Variants in SUPT3H observed in about 807,000 individuals in gnomAD.
The protein encoded by SUPT3H is SPT3 homolog, SAGA and STAGA complex component, also known as transcription initiation protein SPT3 homolog.
Under a neutral mutation model 44.3 loss-of-function variants are expected in SUPT3H, and 44 were observed. The observed-to-expected ratio is 0.99, with a 90% CI of 0.78 to 1.28. SUPT3H has a LOEUF of 1.28. Among genes scored for constraint, SUPT3H ranks in the 50% most tolerant of loss-of-function variants. SUPT3H has a pLI of 0.00. For synonymous variants in SUPT3H, 124 were observed against 125.6 expected (o/e 0.99, Z 0.09); for missense variants, 380 against 387.1 (o/e 0.98, Z 0.15).
At chr6:44,993,429 T>C (rs961739355) in intron 6 of SUPT3H, among the ~76,000 whole-genome samples, 1 of 97,340 alleles carries the variant, frequency 1.0e-5, no homozygotes, top group African/African-American at 2.9e-5. Context: ...TTTATTTCAT[T>C]AACTGAAAAA....
At chr6:45,275,090 T>C (rs1161344047) in intron 2 of SUPT3H, among the ~76,000 whole-genome samples, 1 of 152,212 alleles carries the variant, frequency 6.6e-6, no homozygotes, top group East Asian at 1.9e-4. Context: ...TTGAGAATTT[T>C]TGTACCTATA....
At chr6:45,217,426 C>G (rs6938316) in intron 2 of SUPT3H, among the ~76,000 whole-genome samples, 92,659 of 150,376 alleles carry the variant, frequency 0.62, 29,036 homozygotes, top group African/African-American at 0.74. Context: ...AGTGAGCCGA[C>G]ATCACGCAAC....
At chr6:44,945,617 C>T (rs187722058) in intron 9 of SUPT3H, among the ~76,000 whole-genome samples, 100 of 152,240 alleles carry the variant, frequency 6.6e-4, no homozygotes, top group Non-Finnish European at 1.2e-3. Flanking sequence ...AAGTCAAAGC[C>T]TAATCCAGAG....
chr6:44,949,924 C>T (rs1397594355), intron 9 of SUPT3H, among the ~76,000 whole-genome samples: 2 of 152,186 alleles, frequency 1.3e-5, no homozygotes, highest in African/African-American at 2.4e-5. Context: ...CCAACAATTT[C>T]ATTCACTGCC....
chr6:45,013,787 G>C (rs768556594), intron 5 of SUPT3H, among the ~76,000 whole-genome samples: 2 of 152,022 alleles, frequency 1.3e-5, no homozygotes, highest in Non-Finnish European at 2.9e-5. Context: ...GGGTAAAATT[G>C]TTGCCCTAGA....
At chr6:45,122,652 G>A (rs906336014) in intron 2 of SUPT3H, among the ~76,000 whole-genome samples, 1 of 151,924 alleles carries the variant, frequency 6.6e-6, no homozygotes, top group Non-Finnish European at 1.5e-5. Flanking sequence ...ATAGAAGACA[G>A]AATTGCTCCT....
intron 2 of SUPT3H, among the ~76,000 whole-genome samples, chr6:45,271,227 T>C (rs1776090928): frequency 6.6e-6 from 1 of 152,164 alleles, no homozygotes; most frequent in African/African-American, 2.4e-5. Flanking sequence ...AACAAGGAGC[T>C]ACATGTTAAT....
At chr6:44,904,174 T>C (rs563156803) in intron 10 of SUPT3H, among the ~76,000 whole-genome samples, 1 of 152,306 alleles carries the variant, frequency 6.6e-6, no homozygotes, top group Non-Finnish European at 1.5e-5. Context: ...TTGGAAGTTC[T>C]GGCCAGGGAG....
intron 3 of SUPT3H, among the ~76,000 whole-genome samples, chr6:45,052,131 T>C (rs966031768): frequency 1.3e-5 from 2 of 152,168 alleles, no homozygotes; most frequent in African/African-American, 2.4e-5. Context: ...GATAGAATGA[T>C]ATATTTAGTT....
At chr6:44,855,813 G>A (rs540401485) in intron 10 of SUPT3H, among the ~76,000 whole-genome samples, 6 of 150,404 alleles carry the variant, frequency 4.0e-5, no homozygotes, top group South Asian at 2.1e-4. Context: ...CATTATTCTC[G>A]TTTAGTAACA....
downstream of SUPT3H, among the ~76,000 whole-genome samples, chr6:44,823,639 C>T (rs1385239071): frequency 6.6e-6 from 1 of 152,154 alleles, no homozygotes; most frequent in Non-Finnish European, 1.5e-5. Context: ...CCACCTCAGC[C>T]CCCTTTGGGA....
intron 2 of SUPT3H, among the ~76,000 whole-genome samples, chr6:45,269,567 T>C (rs1397143101): frequency 1.3e-5 from 2 of 152,176 alleles, no homozygotes; most frequent in Non-Finnish European, 2.9e-5. Flanking sequence ...CAACCGACAT[T>C]TGAATGGTTA....
intron 10 of SUPT3H, among the ~76,000 whole-genome samples, chr6:44,923,359 T>C (rs1036961224): frequency 1.3e-5 from 2 of 152,112 alleles, no homozygotes; most frequent in South Asian, 2.1e-4. Context: ...AGGGTCTCCA[T>C]AGATGTTTGG....
chr6:45,252,528 G>A (rs1420363185), intron 2 of SUPT3H, among the ~76,000 whole-genome samples: 2 of 151,964 alleles, frequency 1.3e-5, no homozygotes. Flanking sequence ...GCACTGTTCT[G>A]GCGCTGCAGT....
chr6:45,288,555 A>G (rs201132365), intron 2 of SUPT3H, among the ~76,000 whole-genome samples: 106 of 10,086 alleles, frequency 0.011, 5 homozygotes, highest in East Asian at 0.068. Context: ...GTGTATATAT[A>G]TATATATATG....
At chr6:44,910,687 C>G (rs1766871482) in intron 10 of SUPT3H, among the ~76,000 whole-genome samples, 1 of 82,538 alleles carries the variant, frequency 1.2e-5, no homozygotes, top group African/African-American at 3.7e-5. Context: ...AATGTATTTT[C>G]TTTCAAATTA....
chr6:45,176,180 G>A (rs1238040111), intron 2 of SUPT3H, among the ~76,000 whole-genome samples: 1 of 151,852 alleles, frequency 6.6e-6, no homozygotes, highest in Non-Finnish European at 1.5e-5. Context: ...CATCTCACTA[G>A]GGAGTGCCAG....
intron 10 of SUPT3H, among the ~76,000 whole-genome samples, chr6:44,833,142 T>TATTA (rs1769173165): frequency 6.6e-6 from 1 of 152,030 alleles, no homozygotes; most frequent in South Asian, 2.1e-4. Context: ...TGTTTTATTC[T>TATTA]ATTACCTTTC....
At chr6:44,999,712 T>A (rs1287810157) in intron 6 of SUPT3H, among the ~76,000 whole-genome samples, 2 of 152,044 alleles carry the variant, frequency 1.3e-5, no homozygotes, top group African/African-American at 4.8e-5. Context: ...TGTGTTCTAG[T>A]CTCCACAACA....
Sources: allele counts gnomAD v4.1 joint callset (sites outside exome capture counted in the v4.1 genomes callset), GRCh38; gene constraint gnomAD v4.1.1; transcripts MANE v1.5; gene names NCBI Gene and HGNC (gene_info 2026-07-23, HGNC 2026-07-21).